Variants in TPTE observed in about 807,000 individuals in gnomAD.
The protein encoded by TPTE is transmembrane phosphatase with tensin homology, also known as putative tyrosine-protein phosphatase TPTE.
TPTE carries 59 observed loss-of-function variants against 84.1 expected under a neutral mutation model. The ratio of observed to expected loss-of-function variants is 0.70; its 90% CI spans 0.57 to 0.87. The LOEUF (loss-of-function observed/expected upper bound fraction) is 0.87. Among genes scored for constraint, TPTE ranks in the 40% least tolerant of loss-of-function variants. The pLI is 0.00. For missense variants in TPTE, 382 were observed against 659.6 expected, an observed-to-expected ratio of 0.58 and a Z score of 4.61; for synonymous variants, 130 against 223.5, an observed-to-expected ratio of 0.58 and a Z score of 3.73.
At chr21:10,522,289 A>T (rs1328145423) in intron 1 of TPTE, among the ~76,000 whole-genome samples, 1 of 149,550 alleles carries the variant, frequency 6.7e-6, no homozygotes, top group Non-Finnish European at 1.5e-5. Flanking sequence ...CGTCACACTC[A>T]CGCTGCACGA....
At chr21:10,531,826 T>A (rs2074183716) in intron 3 of TPTE, among the ~76,000 whole-genome samples, 1 of 152,308 alleles carries the variant, frequency 6.6e-6, no homozygotes. Context: ...TTAATCTACT[T>A]AGAGTCTACC....
At chr21:10,581,063 C>A (rs2075263007) in intron 17 of TPTE, among the ~76,000 whole-genome samples, 1 of 152,308 alleles carries the variant, frequency 6.6e-6, no homozygotes, top group South Asian at 2.1e-4. Flanking sequence ...TTATATAATT[C>A]AGTAAAATCA....
At chr21:10,523,002 G>C (rs936921849) in intron 1 of TPTE, among the ~76,000 whole-genome samples, 1 of 152,308 alleles carries the variant, frequency 6.6e-6, no homozygotes, top group Non-Finnish European at 1.5e-5. Context: ...TATCAACCTT[G>C]TCTATTTTAG....
chr21:10,547,478 T>C (rs937172963), intron 7 of TPTE, among the ~76,000 whole-genome samples: 1 of 152,310 alleles, frequency 6.6e-6, no homozygotes, highest in Non-Finnish European at 1.5e-5. Context: ...AAACACAAAG[T>C]CTTTACAACA....
chr21:10,593,273 G>GA (rs1417556471), intron 19 of TPTE, among the ~76,000 whole-genome samples: 4 of 152,394 alleles, frequency 2.6e-5, no homozygotes, highest in Non-Finnish European at 4.4e-5. Flanking sequence ...AAAACAACAA[G>GA]AAAAAACCTT....
At chr21:10,584,766 G>A (rs1477169587) in intron 17 of TPTE, among the ~76,000 whole-genome samples, 3 of 152,422 alleles carry the variant, frequency 2.0e-5, no homozygotes, top group South Asian at 4.1e-4. Context: ...ATCTCCCCTA[G>A]CACTGGCTAG....
At chr21:10,527,946 T>TA (rs1243043036) in intron 3 of TPTE, among the ~76,000 whole-genome samples, 2 of 152,310 alleles carry the variant, frequency 1.3e-5, no homozygotes, top group Non-Finnish European at 2.9e-5. Context: ...AATGTGTGCC[T>TA]ACAAATGGGA....
chr21:10,528,069 T>A (rs2074111205), intron 3 of TPTE, among the ~76,000 whole-genome samples: 2 of 152,308 alleles, frequency 1.3e-5, no homozygotes, highest in South Asian at 4.1e-4. Context: ...TCCTAAACAA[T>A]TTTTATTACC....
chr21:10,535,709 G>A (rs2074254845), intron 3 of TPTE, among the ~76,000 whole-genome samples: 1 of 152,310 alleles, frequency 6.6e-6, no homozygotes, highest in Non-Finnish European at 1.5e-5. Flanking sequence ...ACGGAGGAGT[G>A]AAGCACTCAG....
intron 7 of TPTE, among the ~76,000 whole-genome samples, chr21:10,545,329 A>G (rs2074445831): frequency 1.3e-5 from 2 of 152,426 alleles, no homozygotes; most frequent in Non-Finnish European, 2.9e-5. Context: ...TTTACATAAT[A>G]TAAGGTTTTC....
Position 10,541,494 on chromosome 21 carries a change from G to GCACACACA in TPTE, c.65+338_65+345dup, listed in dbSNP as rs71250996. ...TGCAAAAATGAAAAAAAAAAAAGATGCACACACACACACACAAAACAGTGA... is the reference window on the plus strand; with the variant it reads ...TGCAAAAATGAAAAAAAAAAAAGATGCACACACACACACACACACACACAAAACAGTGA... On this transcript the variant is annotated intron_variant, in intron 5 of 23. Coordinates refer to ENST00000618007, the MANE Select transcript of TPTE (RefSeq NM_199261.4). Among the ~76,000 whole-genome samples, 7 of 152,018 alleles carry GCACACACA rather than the reference G, an allele frequency of 4.6e-5. No individual in the cohort carries two copies. The South Asian group carries it at 1.0e-3, about 23-fold the overall frequency.
chr21:10,553,197 C>T (rs575760050), intron 8 of TPTE, among the ~76,000 whole-genome samples: 1 of 152,424 alleles, frequency 6.6e-6, no homozygotes, highest in Non-Finnish European at 1.5e-5. Flanking sequence ...CACTAGAGTA[C>T]TTCCTGTTGC....
intron 7 of TPTE, among the ~76,000 whole-genome samples, chr21:10,549,243 C>A (rs867909979): frequency 5.9e-5 from 9 of 152,296 alleles, no homozygotes; most frequent in South Asian, 2.1e-4. Flanking sequence ...CAATTTTACT[C>A]CATAAAATTG....
chr21:10,594,422 A>G (rs1464830873), intron 19 of TPTE, among the ~76,000 whole-genome samples: 1 of 152,310 alleles, frequency 6.6e-6, no homozygotes, highest in African/African-American at 2.4e-5. Flanking sequence ...TGGCTTACCC[A>G]TCTTTCCACC....
At chr21:10,558,747 C>T (rs1175300123) in intron 8 of TPTE, among the ~76,000 whole-genome samples, 2 of 145,118 alleles carry the variant, frequency 1.4e-5, no homozygotes, top group African/African-American at 5.1e-5. Flanking sequence ...TCTACTGAAG[C>T]CTCCTGTGTT....
intron 1 of TPTE, among the ~76,000 whole-genome samples, chr21:10,523,947 T>A (rs1207313416): frequency 2.0e-5 from 3 of 152,306 alleles, no homozygotes; most frequent in Non-Finnish European, 4.4e-5. Flanking sequence ...CTCCACATCC[T>A]CTCCAGCACC....
In TPTE at chr21:10,561,103, CT is replaced by C. The variant is rs2074793743; in HGVS notation, c.361del (p.Tyr121IlefsTer11). Reference sequence around the variant, plus strand: ...CGACCTAATTTTCACTGACAGCAAACTTTATATTCCTTTGGAGTATCGTTCT... The same window carrying C: ...CGACCTAATTTTCACTGACAGCAAACTTATATTCCTTTGGAGTATCGTTCT... ...LADLIFTDSK[L>X]YIPLEYRSIS... On this transcript the variant is annotated frameshift_variant, in exon 10 of 24. Coordinates refer to ENST00000618007, the MANE Select transcript of TPTE (RefSeq NM_199261.4). LOFTEE classifies it high-confidence loss of function. 1 of 1,611,984 alleles carries C rather than the reference CT, an allele frequency of 6.2e-7. No individual in the cohort carries two copies. The highest frequency in any genetic ancestry group is 8.5e-7 in the Non-Finnish European group (1 of 1,179,874).
In TPTE at chr21:10,548,957, G is replaced by A. The variant is rs369512571; in HGVS notation, c.174-3700G>A. On this transcript the variant is annotated intron_variant, in intron 7 of 23. Transcript: ENST00000618007. ...CTAGAGTGATGGCACCATGGCCAGC[G>A]GCATAAAGCCATACTCCAAGTTTTC... Among the ~76,000 whole-genome samples the A allele has an allele frequency of 6.6e-5, 10 of 152,416 alleles. No homozygotes were observed. In the East Asian group the frequency reaches 1.5e-3, roughly 23 times the overall value.
At chr21:10,526,420 C>T (rs933042257) in intron 2 of TPTE, among the ~76,000 whole-genome samples, 1 of 152,308 alleles carries the variant, frequency 6.6e-6, no homozygotes, top group Admixed American at 6.5e-5. Flanking sequence ...TAAAAAGATA[C>T]CATTTAATAT....
Sources: gnomAD v4.1 joint callset for allele counts (sites outside exome capture counted in the v4.1 genomes callset) on GRCh38, gnomAD v4.1.1 for gene constraint, MANE v1.5 for transcripts, NCBI Gene and HGNC (gene_info 2026-07-23, HGNC 2026-07-21) for gene names.